AFMID: variants seen among roughly 807,000 people sequenced by gnomAD.
AFMID encodes kynurenine formamidase.
A neutral mutation model predicts 47.5 loss-of-function variants in AFMID; 39 were observed. That is an observed-to-expected ratio of 0.82 (90% confidence interval 0.64 to 1.07). The LOEUF is 1.07. Among genes scored for constraint, AFMID ranks in the 50% least tolerant of loss-of-function variants. The probability of loss-of-function intolerance (pLI) is 0.00; values close to 1 mark genes in which losing one functional copy is unlikely to be tolerated. For synonymous variants in AFMID, 130 were observed against 153.2 expected (o/e 0.85, Z 1.12); for missense variants, 375 against 387.5 (o/e 0.97, Z 0.27).
rs201786023 is a variant in AFMID at position 78,204,770 on chromosome 17, G to A, written c.394+29G>A. ...ATAGGAGTGGTTGCTGCAGGTCCGA[G>A]GGCCGGTGGGCTTTAGGAGGAAGTG... On this transcript the variant is annotated intron_variant, in intron 5 of 10. Transcript: ENST00000409257. 1.8e-5 allele frequency: 29 copies of A among 1,614,170 alleles called. No homozygotes were observed. The Admixed American group carries it at 4.2e-4, about 23-fold the overall frequency.
chr17:78,204,501 A>C (rs2076324683), intron 4 of AFMID, among the ~76,000 whole-genome samples, 155 bp from the exon 5 acceptor site: 1 of 152,166 alleles, frequency 6.6e-6, no homozygotes, highest in South Asian at 2.1e-4. Context: ...GTGATGTGGC[A>C]GGGAGAGAGC....
chr17:78,206,693 C>T (rs537756930), intron 10 of AFMID, among the ~76,000 whole-genome samples: 16 of 151,714 alleles, frequency 1.1e-4, no homozygotes, highest in African/African-American at 3.6e-4. Flanking sequence ...TCCCCCTACC[C>T]CCCCTTCTTC....
chr17:78,206,828 A>G (rs1221377834), intron 10 of AFMID, 83 bp from the exon 11 acceptor site: 2 of 1,512,374 alleles, frequency 1.3e-6, no homozygotes, highest in Admixed American at 3.4e-5. Context: ...CACTGCATCC[A>G]GCCCTGTCTC....
chr17:78,202,834 A>G (rs2076282667), intron 4 of AFMID, 83 bp downstream of exon 4: 4 of 1,486,000 alleles, frequency 2.7e-6, no homozygotes, highest in Middle Eastern at 2.3e-4. Flanking sequence ...TGCCGCAACC[A>G]AACTGCCACA....
intron 2 of AFMID, among the ~76,000 whole-genome samples, chr17:78,201,787 G>A (rs1005187142): frequency 1.3e-5 from 2 of 151,872 alleles, no homozygotes; most frequent in Non-Finnish European, 2.9e-5. Flanking sequence ...CTAGAGTGCA[G>A]TGGCGTGATC....
intron 4 of AFMID, chr17:78,203,055 CTTTTT>C (rs56016227): frequency 4.8e-3 from 530 of 110,890 alleles, no homozygotes; most frequent in South Asian, 0.012. Context: ...CTTCCTCTCT[CTTTTT>C]TTTTTTTTTT....
rs753271200 is a variant in AFMID at position 78,206,000 on chromosome 17, C to T, written c.835C>T (p.His279Tyr). 2.7e-5 allele frequency: 43 copies of T among 1,613,910 alleles called. No individual in the cohort carries two copies. The highest frequency in any genetic ancestry group is 6.8e-6 in the Non-Finnish European group (8 of 1,180,016). ...ATTTGAAGAGCTCCACGATGTGGAC[C>T]ACTTTGAAATTGTTGAGAATCTGAC... ...ASFEELHDVD[H>Y]FEIVENLTQK... Residue 279 changes from histidine (H) to tyrosine (Y), a missense_variant, in exon 10 of 11, where the codon CAC (histidine) becomes TAC (tyrosine). Physicochemically the swap from His to Tyr is moderately conservative, Grantham distance 83. Transcript: ENST00000409257.
In AFMID at chr17:78,187,386, G is replaced by C; in HGVS notation, c.16G>C (p.Gly6Arg). The C allele has an allele frequency of 1.9e-6, 3 of 1,613,942 alleles. No individual in the cohort carries two copies. The highest frequency in any genetic ancestry group is 2.5e-6 in the Non-Finnish European group (3 of 1,179,964). MMDVS[G>R]VGFPSKVPWK... Reference sequence around the variant, plus strand: ...TGTAGACGCCATGATGGATGTGTCTGGTGTGGGTTTCCCAAGCAAGGTTCC... The same window carrying C: ...TGTAGACGCCATGATGGATGTGTCTCGTGTGGGTTTCCCAAGCAAGGTTCC... The change falls in exon 1 of 11, where the codon GGT becomes CGT. Residue 6 changes from glycine to arginine, a missense_variant. By Grantham distance (125) the Gly-to-Arg change is moderately radical. Transcript: ENST00000409257.
chr17:78,199,155 C>A (rs2076185698), intron 2 of AFMID, among the ~76,000 whole-genome samples: 1 of 152,256 alleles, frequency 6.6e-6, no homozygotes, highest in African/African-American at 2.4e-5. Context: ...TCTGCAAAGG[C>A]AGCTTCCTGC....
intron 2 of AFMID, chr17:78,192,722 G>A (rs1598990174): frequency 6.5e-6 from 3 of 464,738 alleles, no homozygotes; most frequent in Admixed American, 2.4e-5. Context: ...GCTGTACCAC[G>A]ATCTGAACAC....
Position 78,205,171 on chromosome 17 carries a change from G to T in AFMID, c.546G>T (p.Gly182=), listed in dbSNP as rs1406790104. ...TCCTGGCCGACTGGACCAAGCATGG[G>T]GTCACGCCCAACCTCAGAGGTTTCC... is the stretch of plus-strand genomic sequence containing the variant. ...MMLLADWTKH[G]VTPNLRGFFL... is the part of the protein sequence containing the mutation. The change falls in exon 7 of 11, where the codon GGG becomes GGT. Residue 182 remains glycine (G), a synonymous_variant. Coordinates refer to ENST00000409257, the MANE Select transcript of AFMID (RefSeq NM_001010982.5). 2 of 1,612,114 alleles carry T rather than the reference G, an allele frequency of 1.2e-6. No individual in the cohort carries two copies. Among genetic ancestry groups the T allele is most frequent in the African/African-American group, 2.7e-5 (2 of 74,916 alleles).
intron 2 of AFMID, chr17:78,192,612 A>C (rs1469950395): frequency 1.7e-5 from 8 of 470,802 alleles, no homozygotes; most frequent in Non-Finnish European, 3.1e-5. Flanking sequence ...CCGTGCCTGG[A>C]CTTTCACCTT....
At chr17:78,194,468 C>T (rs2076057318) in intron 2 of AFMID, among the ~76,000 whole-genome samples, 1 of 151,992 alleles carries the variant, frequency 6.6e-6, no homozygotes, top group African/African-American at 2.4e-5. Context: ...TTGTATTCGT[C>T]CTTACAATGC....
chr17:78,195,161 G>T (rs532158267), intron 2 of AFMID, among the ~76,000 whole-genome samples: 1 of 151,958 alleles, frequency 6.6e-6, no homozygotes, highest in African/African-American at 2.4e-5. Context: ...GGAGGAATGG[G>T]GAGTGAGTGT....
intron 2 of AFMID, among the ~76,000 whole-genome samples, chr17:78,201,154 G>A (rs1255578892): frequency 1.3e-5 from 2 of 151,260 alleles, no homozygotes; most frequent in Non-Finnish European, 2.9e-5. Context: ...CCACCACCAC[G>A]TCCAGATAAC....
intron 2 of AFMID, among the ~76,000 whole-genome samples, chr17:78,196,793 A>G (rs2076126850): frequency 6.6e-6 from 1 of 152,220 alleles, no homozygotes; most frequent in African/African-American, 2.4e-5. Context: ...TGAGTTGTAA[A>G]TAATAGCAAT....
intron 2 of AFMID, chr17:78,197,259 C>A: frequency 6.6e-7 from 1 of 1,514,754 alleles, no homozygotes; most frequent in South Asian, 1.2e-5. Flanking sequence ...GGCAAACCCC[C>A]ATGGATGGCA....
intron 2 of AFMID, among the ~76,000 whole-genome samples, chr17:78,199,914 G>A (rs890333850): frequency 1.3e-5 from 2 of 152,148 alleles, no homozygotes; most frequent in East Asian, 3.9e-4. Flanking sequence ...GGATGGGAGA[G>A]GTGGAGCATG....
At chr17:78,193,320 G>C (rs1016189894) in intron 2 of AFMID, among the ~76,000 whole-genome samples, 1 of 146,668 alleles carries the variant, frequency 6.8e-6, no homozygotes, top group Non-Finnish European at 1.5e-5. Context: ...GCAGTGAGCC[G>C]GGATCGCGCC....
Sources: gnomAD v4.1 joint callset for allele counts (sites outside exome capture counted in the v4.1 genomes callset) on GRCh38, gnomAD v4.1.1 for gene constraint, MANE v1.5 for transcripts, NCBI Gene and HGNC (gene_info 2026-07-23, HGNC 2026-07-21) for gene names.